PTPRT: variants seen among roughly 807,000 people sequenced by gnomAD.
PTPRT encodes protein tyrosine phosphatase receptor type T.
In PTPRT, 56 loss-of-function variants were observed where a neutral mutation model predicts 176.8. The observed-to-expected ratio is 0.32, with a 90% CI of 0.26 to 0.40. The LOEUF (loss-of-function observed/expected upper bound fraction) is 0.40, where lower values mean the gene tolerates loss of function less well. PTPRT is among the 10% of genes least tolerant of loss of function. The pLI is 1.00. For synonymous variants in PTPRT, 783 were observed against 739.0 expected (o/e 1.06, Z -0.96); for missense variants, 1,540 against 1,908.2 (o/e 0.81, Z 3.60).
At chr20:42,997,875 G>T (rs1293644680) in intron 1 of PTPRT, among the ~76,000 whole-genome samples, 1 of 152,088 alleles carries the variant, frequency 6.6e-6, no homozygotes, top group Admixed American at 6.5e-5. Flanking sequence ...GGATCAGGAA[G>T]GTAGGCAAAT....
chr20:42,490,080 C>T (rs1393062415), intron 7 of PTPRT, among the ~76,000 whole-genome samples: 1 of 152,162 alleles, frequency 6.6e-6, no homozygotes, highest in Non-Finnish European at 1.5e-5. Flanking sequence ...CTTGAGCTTT[C>T]CATTCTGTTC....
intron 1 of PTPRT, among the ~76,000 whole-genome samples, chr20:43,030,743 A>C (rs2146196288): frequency 6.6e-6 from 1 of 152,258 alleles, no homozygotes; most frequent in African/African-American, 2.4e-5. Flanking sequence ...CTGCCACAGG[A>C]GGTGGTGTGG....
At chr20:43,098,307 G>A (rs565228692) in intron 1 of PTPRT, among the ~76,000 whole-genome samples, 7 of 152,280 alleles carry the variant, frequency 4.6e-5, no homozygotes, top group African/African-American at 1.2e-4. Context: ...CCTAGGTTCC[G>A]GTCCCAGCTG....
intron 1 of PTPRT, among the ~76,000 whole-genome samples, chr20:42,981,230 C>A (rs1983254020): frequency 6.6e-6 from 1 of 152,208 alleles, no homozygotes; most frequent in South Asian, 2.1e-4. Flanking sequence ...CCTCCTTCAA[C>A]TTCCTTGAAC....
chr20:42,480,735 C>A (rs1265640152), intron 7 of PTPRT, among the ~76,000 whole-genome samples: 1 of 152,136 alleles, frequency 6.6e-6, no homozygotes. Flanking sequence ...GACGCATGCA[C>A]AACCCTGACA....
chr20:42,859,187 T>C (rs2078616300), intron 2 of PTPRT, among the ~76,000 whole-genome samples: 1 of 152,146 alleles, frequency 6.6e-6, no homozygotes, highest in Admixed American at 6.5e-5. Flanking sequence ...TCCAATGATT[T>C]CCTGGGCCAA....
At position 42,205,770 on chromosome 20, in the gene PTPRT, A is replaced by G. The variant is rs560330828; in HGVS notation, c.2343-6382T>C. ...AATCTCCAGATAAACTTTCCTGGAA[A>G]CCATGAAGATTGAAATCCTGGAGTC... is the stretch of plus-strand genomic sequence containing the variant. On this transcript the variant is annotated intron_variant, in intron 15 of 30. Transcript: ENST00000373187. Among the ~76,000 whole-genome samples, 215 of 152,222 alleles carry G rather than the reference A, an allele frequency of 1.4e-3. 1 individual carries two copies. Among genetic ancestry groups the G allele is most frequent in the African/African-American group, 4.9e-3 (203 of 41,538 alleles).
intron 9 of PTPRT, among the ~76,000 whole-genome samples, chr20:42,413,033 A>G: frequency 6.6e-6 from 1 of 152,166 alleles, no homozygotes. Context: ...ACATTTTATT[A>G]TAGATAATAT....
rs190770873 is a variant in PTPRT, at chr20:42,675,287, C to T, written c.1153+2579G>A. Among the ~76,000 whole-genome samples, 199 of 152,280 alleles carry T rather than the reference C, an allele frequency of 1.3e-3. 1 individual carries two copies. Among genetic ancestry groups the T allele is most frequent in the African/African-American group, 4.6e-3 (191 of 41,566 alleles). On this transcript the variant is annotated intron_variant, in intron 7 of 30. Coordinates refer to ENST00000373187, the MANE Select transcript of PTPRT (RefSeq NM_007050.6). ...TATCCAAAATGCTTGGGACCAGAAG[C>T]GTTTCAGATTTCAGATTTTCTTGAA...
rs142139939 is a variant in PTPRT at position 42,589,693 on chromosome 20, C to T, written c.1153+88173G>A. Among the ~76,000 whole-genome samples, 808 of 152,220 alleles carry T rather than the reference C, an allele frequency of 5.3e-3. 11 individuals are homozygous for T. Among genetic ancestry groups the T allele is most frequent in the African/African-American group, 0.018 (743 of 41,544 alleles). ...AAACTTTCCTAGGAGCCTTGCAACT[C>T]GACTTCACACCCAGCTAGGCTCTGG... On this transcript the variant is annotated intron_variant, in intron 7 of 30. Coordinates refer to ENST00000373187, the MANE Select transcript of PTPRT (RefSeq NM_007050.6).
chr20:42,363,143 T>TA (rs2058454443), intron 9 of PTPRT, among the ~76,000 whole-genome samples: 2 of 145,580 alleles, frequency 1.4e-5, no homozygotes, highest in African/African-American at 5.0e-5. Context: ...AATATTTTTT[T>TA]TAAAAAAAAG....
rs190630713 is a variant in PTPRT, at chr20:42,715,254, T to G, written c.860-37095A>C. Among the ~76,000 whole-genome samples the G allele has an allele frequency of 2.0e-4, 31 of 152,282 alleles. No individual in the cohort carries two copies. In the East Asian group the frequency reaches 4.6e-3, roughly 23 times the overall value. On this transcript the variant is annotated intron_variant, in intron 6 of 30. Transcript: ENST00000373187. ...TCCAGACCACCTACAGCAAACTATCTACCATTCTTAGGTAACAAACAGGAC... is the reference window on the plus strand; with the variant it reads ...TCCAGACCACCTACAGCAAACTATCGACCATTCTTAGGTAACAAACAGGAC...
In PTPRT at chr20:42,778,508, A is replaced by C. The variant is rs1282579839; in HGVS notation, c.568+1710T>G. Among the ~76,000 whole-genome samples, 6 of 152,300 alleles carry C rather than the reference A, an allele frequency of 3.9e-5. No homozygotes were observed. The East Asian group carries it at 9.7e-4, about 25-fold the overall frequency. The stretch of plus-strand genomic sequence containing the variant: ...CAAAGTAAGAAGCAGGAACACAGGT[A>C]GATGTGGCAGAGGCAAGCACGCTCT... On this transcript the variant is annotated intron_variant, in intron 4 of 30. Transcript: ENST00000373187.
intron 26 of PTPRT, among the ~76,000 whole-genome samples, chr20:42,100,745 C>G (rs1985853271): frequency 6.6e-6 from 1 of 152,222 alleles, no homozygotes; most frequent in South Asian, 2.1e-4. Context: ...TGCACACATA[C>G]ACATACATGC....
In PTPRT at chr20:42,944,601, C is replaced by T. The variant is rs1980765046; in HGVS notation, c.89-58669G>A. Among the ~76,000 whole-genome samples, 7 of 152,312 alleles carry T rather than the reference C, an allele frequency of 4.6e-5. No individual in the cohort carries two copies. The South Asian group carries it at 1.5e-3, about 32-fold the overall frequency. On this transcript the variant is annotated intron_variant, in intron 1 of 30. Transcript: ENST00000373187. ...GCTCTTTGAACAAGCCACACGTTCT[C>T]CCAGCCCAGAGCCTTTGCACGTGCT...
intron 8 of PTPRT, among the ~76,000 whole-genome samples, chr20:42,452,235 C>T (rs1186735890): frequency 1.3e-5 from 2 of 151,384 alleles, no homozygotes; most frequent in East Asian, 3.9e-4. Context: ...TGCCACTGCA[C>T]CCCAGCCTAG....
At chr20:42,855,447 T>C (rs2078545009) in intron 2 of PTPRT, among the ~76,000 whole-genome samples, 1 of 144,434 alleles carries the variant, frequency 6.9e-6, no homozygotes, top group East Asian at 1.9e-4. Context: ...TTTTTTTTTT[T>C]TTTTGGAGAC....
In PTPRT at chr20:42,994,439, CT is replaced by C. The variant is rs568372142; in HGVS notation, c.89-108508del. Among the ~76,000 whole-genome samples, 155 of 146,924 alleles carry C rather than the reference CT, an allele frequency of 1.1e-3. No individual in the cohort carries two copies. The South Asian group carries it at 0.018, about 17-fold the overall frequency. Reference sequence around the variant, plus strand: ...GTATGTATGTATTAACCCATTAGGACTTTTTTTTTTTCCTGCTCCAAAGGTG... The same window carrying C: ...GTATGTATGTATTAACCCATTAGGACTTTTTTTTTTCCTGCTCCAAAGGTG... On this transcript the variant is annotated intron_variant, in intron 1 of 30. Transcript: ENST00000373187.
intron 1 of PTPRT, among the ~76,000 whole-genome samples, chr20:43,063,108 T>G (rs1433167483): frequency 6.6e-6 from 1 of 152,160 alleles, no homozygotes; most frequent in East Asian, 1.9e-4. Context: ...AATTAGAAAT[T>G]TTCAGGGTTC....
Sources: gnomAD v4.1 joint callset for allele counts (sites outside exome capture counted in the v4.1 genomes callset) on GRCh38, gnomAD v4.1.1 for gene constraint, MANE v1.5 for transcripts, NCBI Gene and HGNC (gene_info 2026-07-23, HGNC 2026-07-21) for gene names.